The following EMCN variants were observed in gnomAD, a reference collection of about 807,000 sequenced individuals.
The protein encoded by EMCN is endomucin.
Under a neutral mutation model 38.4 loss-of-function variants are expected in EMCN, and 37 were observed. The observed-to-expected ratio is 0.96, with a 90% CI of 0.74 to 1.27. The LOEUF (loss-of-function observed/expected upper bound fraction) is 1.27, where lower values mean the gene tolerates loss of function less well. EMCN is among the 50% of genes most tolerant of loss of function. The pLI is 0.00. For missense variants in EMCN, 318 were observed against 302.8 expected (o/e 1.05, Z -0.37); for synonymous variants, 95 against 100.8 (o/e 0.94, Z 0.35).
intron 1 of EMCN, among the ~76,000 whole-genome samples, chr4:100,509,811 A>C (rs1165792960): frequency 6.6e-6 from 1 of 152,190 alleles, no homozygotes; most frequent in Admixed American, 6.6e-5. Context: ...ATGGCAGTTA[A>C]AGGCCCAACT....
chr4:100,410,225 C>T (rs1319713167), intron 11 of EMCN, 57 bp downstream of exon 11: 1 of 1,178,562 alleles, frequency 8.5e-7, no homozygotes, highest in Non-Finnish European at 1.3e-6. Flanking sequence ...TAAGCTGCAC[C>T]AGGCTAACAA....
At position 100,397,946 on chromosome 4, in the gene EMCN, C is replaced by A. The variant is rs6855881; in HGVS notation, c.*467G>T. On this transcript the variant is annotated 3_prime_UTR_variant, in exon 12 of 12. Transcript: ENST00000296420. The stretch of plus-strand genomic sequence containing the variant: ...CTAATATTTAATAATACACGTGCAA[C>A]TTTTCCCTGCATTAACATAGTGGTA... The A allele has an allele frequency of 2.6e-5, 4 of 151,962 alleles. No individual in the cohort carries two copies. The highest frequency in any genetic ancestry group is 9.7e-5 in the African/African-American group (4 of 41,326). The allele number at this position is 151,962 out of a possible 1,614,324, so 9.4% of individuals were successfully genotyped here.
chr4:100,404,842 A>G (rs963446580), intron 11 of EMCN, among the ~76,000 whole-genome samples: 4 of 152,158 alleles, frequency 2.6e-5, no homozygotes, highest in Non-Finnish European at 4.4e-5. Context: ...CTTCCAATCC[A>G]TGAACATGCA....
intron 4 of EMCN, among the ~76,000 whole-genome samples, chr4:100,450,572 A>G (rs1307764612): frequency 6.6e-6 from 1 of 151,958 alleles, no homozygotes; most frequent in East Asian, 1.9e-4. Flanking sequence ...ATAATTTATT[A>G]TGACCAATTC....
At chr4:100,402,463 A>C (rs1353570219) in intron 11 of EMCN, among the ~76,000 whole-genome samples, 1 of 152,184 alleles carries the variant, frequency 6.6e-6, no homozygotes. Flanking sequence ...TCTAATTTCA[A>C]GTTGACAACC....
intron 4 of EMCN, among the ~76,000 whole-genome samples, chr4:100,449,939 A>G (rs964080640): frequency 2.0e-5 from 3 of 152,026 alleles, no homozygotes; most frequent in Admixed American, 1.3e-4. Context: ...AAAATATTTT[A>G]AAAATGATAA....
rs550646348 is a variant in EMCN, at chr4:100,495,063, G to A, written c.65-15024C>T. Among the ~76,000 whole-genome samples the A allele has an allele frequency of 9.9e-5, 15 of 152,074 alleles. No homozygotes were observed. The East Asian group carries it at 2.9e-3, about 29-fold the overall frequency. On this transcript the variant is annotated intron_variant, in intron 1 of 11. Transcript: ENST00000296420. ...TGAGATTTGACAGATGCAGGGAGCTGGGAAGAAAAGTGAGCGTGAGAACTT... is the reference window on the plus strand; with the variant it reads ...TGAGATTTGACAGATGCAGGGAGCTAGGAAGAAAAGTGAGCGTGAGAACTT...
chr4:100,417,169 G>A (rs769105480), intron 8 of EMCN, 28 bp from the exon 9 acceptor site: 3 of 1,613,156 alleles, frequency 1.9e-6, no homozygotes, highest in Non-Finnish European at 2.5e-6. Context: ...TGTTATTAGA[G>A]TTGCAAAGAA....
chr4:100,476,281 T>C lies in EMCN; in HGVS notation c.188-1172A>G, dbSNP rs1283983724. ...TTTTTCCTTCCTTCTTTCCTTCCCC[T>C]TTTTCTTCTCTCCTTCTTGCTTGAC... On this transcript the variant is annotated intron_variant, in intron 2 of 11. Transcript: ENST00000296420. 2.0e-5 allele frequency among the ~76,000 whole-genome samples: 3 copies of C among 147,394 alleles called. No individual in the cohort carries two copies. In the East Asian group the frequency reaches 6.4e-4, roughly 32 times the overall value.
rs113048263 is a variant in EMCN, at chr4:100,465,140, T to G, written c.376+283A>C. ...AACAATTTTTTCATTTCATCTAAGT[T>G]GTCTAATTTTTTGGCTGAGCTCTCC... On this transcript the variant is annotated intron_variant, in intron 4 of 11. Transcript: ENST00000296420. Among the ~76,000 whole-genome samples, 3 of 152,260 alleles carry G rather than the reference T, an allele frequency of 2.0e-5. 1 individual carries two copies. The highest frequency in any genetic ancestry group is 7.2e-5 in the African/African-American group (3 of 41,576).
At chr4:100,427,489 G>A (rs1441268106) in intron 5 of EMCN, among the ~76,000 whole-genome samples, 2 of 133,952 alleles carry the variant, frequency 1.5e-5, no homozygotes, top group African/African-American at 2.9e-5. Flanking sequence ...ACCTTGCTAT[G>A]TTTCTGAGGC....
intron 5 of EMCN, 102 bp downstream of exon 5, chr4:100,447,431 T>C: frequency 1.3e-6 from 1 of 793,222 alleles, no homozygotes; most frequent in Non-Finnish European, 2.1e-6. Flanking sequence ...TTTTCCCTTG[T>C]GCTATTTCTC....
chr4:100,496,918 G>A (rs531488154), intron 1 of EMCN, among the ~76,000 whole-genome samples: 13 of 152,030 alleles, frequency 8.6e-5, no homozygotes, highest in Admixed American at 2.0e-4. Context: ...GAAGGATTTT[G>A]TAATGCACCA....
At chr4:100,505,772 C>T (rs1729465778) in intron 1 of EMCN, among the ~76,000 whole-genome samples, 1 of 152,200 alleles carries the variant, frequency 6.6e-6, no homozygotes, top group African/African-American at 2.4e-5. Flanking sequence ...CAGAAAGGAG[C>T]TTGAGAGAGG....
chr4:100,427,425 C>T (rs1466527801), intron 5 of EMCN, among the ~76,000 whole-genome samples: 6 of 151,568 alleles, frequency 4.0e-5, no homozygotes, highest in Admixed American at 3.3e-4. Flanking sequence ...GTGTGCACCA[C>T]CACACCCAGC....
rs769314501 is a variant in EMCN, at chr4:100,431,797, T to TTC, written c.416-8395_416-8394dup. 3.1e-3 allele frequency among the ~76,000 whole-genome samples: 470 copies of TTC among 149,372 alleles called. 4 individuals carry two copies. Among genetic ancestry groups the TTC allele is most frequent in the Middle Eastern group, 0.018 (5 of 284 alleles). On this transcript the variant is annotated intron_variant, in intron 5 of 11. Transcript: ENST00000296420. ...CTCTCTCCCCCATCCCTCTATCTAT[T>TTC]TCTCTCTCTCTCTCTCTCTGTCTCT...
At chr4:100,517,587 G>A (rs1239277585) in intron 1 of EMCN, among the ~76,000 whole-genome samples, 2 of 151,996 alleles carry the variant, frequency 1.3e-5, no homozygotes, top group Non-Finnish European at 2.9e-5. Flanking sequence ...CTCTAAAGAG[G>A]CCATTGTATA....
At chr4:100,503,582 T>C (rs1387486103) in intron 1 of EMCN, among the ~76,000 whole-genome samples, 1 of 152,134 alleles carries the variant, frequency 6.6e-6, no homozygotes, top group Non-Finnish European at 1.5e-5. Context: ...ATCTACTTTT[T>C]TATTTTTTAG....
At chr4:100,442,441 T>C (rs1176606594) in intron 5 of EMCN, among the ~76,000 whole-genome samples, 1 of 152,222 alleles carries the variant, frequency 6.6e-6, no homozygotes, top group African/African-American at 2.4e-5. Context: ...TCTTTTAAGA[T>C]GTGGGAAATT....
Sources: allele counts gnomAD v4.1 joint callset (sites outside exome capture counted in the v4.1 genomes callset), GRCh38; gene constraint gnomAD v4.1.1; transcripts MANE v1.5; gene names NCBI Gene and HGNC (gene_info 2026-07-23, HGNC 2026-07-21).